The following STON2 variants were observed in gnomAD, a reference collection of about 807,000 sequenced individuals.
The protein encoded by STON2 is stonin-2.
In STON2, 29 loss-of-function variants were observed where a neutral mutation model predicts 65.7. The ratio of observed to expected loss-of-function variants is 0.44; its 90% CI spans 0.33 to 0.60. The LOEUF is 0.60. Ranked by LOEUF, STON2 falls within the 20% of genes least tolerant of loss-of-function variation. The probability of loss-of-function intolerance (pLI) is 0.03; values close to 1 mark genes in which losing one functional copy is unlikely to be tolerated. For synonymous variants in STON2, 404 were observed against 414.2 expected, an observed-to-expected ratio of 0.98 and a Z score of 0.30; for missense variants, 1,054 against 1,118.1, an observed-to-expected ratio of 0.94 and a Z score of 0.82.
At chr14:81,268,566 C>A (rs940415647) in intron 7 of STON2, 69 bp from the exon 8 acceptor site, 1 of 1,283,876 alleles carries the variant, frequency 7.8e-7, no homozygotes, top group Non-Finnish European at 1.0e-6. Context: ...AATAAGTAAA[C>A]CAAAACTCCA....
intron 5 of STON2, among the ~76,000 whole-genome samples, chr14:81,280,614 T>C (rs1203639657): frequency 1.3e-5 from 2 of 152,180 alleles, no homozygotes; most frequent in South Asian, 2.1e-4. Flanking sequence ...CCGCACATAA[T>C]TGCACATAAT....
At chr14:81,304,324 C>G (rs992155814) in intron 5 of STON2, among the ~76,000 whole-genome samples, 3 of 152,158 alleles carry the variant, frequency 2.0e-5, no homozygotes, top group African/African-American at 7.2e-5. Context: ...TCCTTTGATC[C>G]TTTCAACAAC....
At chr14:81,436,259 A>T (rs931166805) in intron 1 of STON2, 1 of 148,696 alleles carries the variant, frequency 6.7e-6, no homozygotes, top group Non-Finnish European at 1.5e-5. Context: ...CGCCCGCTCC[A>T]CCTGCGGGGC....
chr14:81,398,445 G>C lies in STON2; in HGVS notation c.-63C>G. On this transcript the variant is annotated 5_prime_UTR_variant, in exon 2 of 8. Transcript: ENST00000614646. ...CAGGTGAACCCCAGAATACTGTCTG[G>C]GGTGGGCTGGAGTAGGGGTATGGTA... 1 of 1,391,514 alleles carries C rather than the reference G, an allele frequency of 7.2e-7. No homozygotes were observed. Among genetic ancestry groups the C allele is most frequent in the Non-Finnish European group, 1.0e-6 (1 of 979,896 alleles). The allele number at this position is 1,391,514 out of a possible 1,614,324, so 86.2% of individuals were successfully genotyped here. A position where few individuals can be genotyped will look rare whatever the true frequency, so the allele number is the denominator to read the frequency against.
intron 6 of STON2, 27 bp from the exon 7 acceptor site, chr14:81,270,899 C>T (rs1566879733): frequency 7.5e-6 from 12 of 1,605,570 alleles, no homozygotes; most frequent in Non-Finnish European, 1.0e-5. Context: ...ATCGAGAGAT[C>T]AGATTATTTG....
intron 4 of STON2, among the ~76,000 whole-genome samples, chr14:81,364,633 T>C (rs1898639799): frequency 6.6e-6 from 1 of 152,172 alleles, no homozygotes; most frequent in African/African-American, 2.4e-5. Context: ...TATACATGTA[T>C]ACGAATATAA....
intron 5 of STON2, among the ~76,000 whole-genome samples, chr14:81,281,457 AG>A (rs1275551533): frequency 1.3e-5 from 2 of 152,180 alleles, no homozygotes; most frequent in African/African-American, 4.8e-5. Context: ...TTTGTGATGT[AG>A]TGTTTCCACC....
intron 4 of STON2, among the ~76,000 whole-genome samples, chr14:81,362,494 T>TG (rs1566927323): frequency 1.3e-5 from 2 of 152,082 alleles, no homozygotes; most frequent in African/African-American, 4.8e-5. Context: ...ATGCAGGGAA[T>TG]GGGTAGATGT....
At chr14:81,371,714 C>A (rs1410988242) in intron 3 of STON2, among the ~76,000 whole-genome samples, 2 of 138,018 alleles carry the variant, frequency 1.4e-5, no homozygotes, top group South Asian at 4.9e-4. Context: ...AAAGTAAGGT[C>A]CCAGGACTCT....
Position 81,264,430 on chromosome 14 carries a change from A to G in STON2, c.*3984T>C, listed in dbSNP as rs946295650. 3 of 985,454 alleles carry G rather than the reference A, an allele frequency of 3.0e-6. No homozygotes were observed. The highest frequency in any genetic ancestry group is 4.7e-5 in the South Asian group (1 of 21,292). The allele number at this position is 985,454 out of a possible 1,614,324, so 61.0% of individuals were successfully genotyped here. A position where few individuals can be genotyped will look rare whatever the true frequency, so the allele number is the denominator to read the frequency against. On this transcript the variant is annotated 3_prime_UTR_variant, in exon 8 of 8. Coordinates refer to ENST00000614646, the MANE Select transcript of STON2 (RefSeq NM_001394390.1). ...CTTTCAGCAAACATTTATTGAATAC[A>G]TACTCATTTTCCTTTATTTCATGAG...
intron 2 of STON2, among the ~76,000 whole-genome samples, chr14:81,417,558 C>A (rs1433567173): frequency 2.0e-5 from 3 of 152,068 alleles, no homozygotes; most frequent in Non-Finnish European, 4.4e-5. Flanking sequence ...TCAATACATA[C>A]CCTAAGGAAA....
rs1311654545 is a variant in STON2 at position 81,262,102 on chromosome 14, T to C, written c.*6312A>G. 1.3e-5 allele frequency: 13 copies of C among 985,316 alleles called. No homozygotes were observed. Among genetic ancestry groups the C allele is most frequent in the Non-Finnish European group, 1.6e-5 (13 of 829,918 alleles). 61.0% of individuals were successfully genotyped at this position (985,316 alleles called of 1,614,324 possible). ...TATTTTGTAAAATAACCCACAACTT[T>C]AGAGCTGGAAAGGACTTGAAGAAAC... On this transcript the variant is annotated 3_prime_UTR_variant, in exon 8 of 8. Transcript: ENST00000614646.
chr14:81,433,274 C>G (rs12590539), intron 1 of STON2, among the ~76,000 whole-genome samples: 12,880 of 152,214 alleles, frequency 0.085, 928 homozygotes, highest in African/African-American at 0.19. Context: ...AGAGAGACTG[C>G]AGGCCACCGT....
intron 3 of STON2, among the ~76,000 whole-genome samples, chr14:81,381,280 G>C (rs1899501711): frequency 4.0e-5 from 6 of 151,438 alleles, no homozygotes; most frequent in South Asian, 2.1e-4. Flanking sequence ...CTTTGGAGTA[G>C]AGAAATATTT....
At chr14:81,396,727 A>G (rs569567777) in intron 2 of STON2, among the ~76,000 whole-genome samples, 1 of 148,494 alleles carries the variant, frequency 6.7e-6, no homozygotes, top group East Asian at 2.0e-4. Context: ...GATTGGCCCC[A>G]GAAAATTAAA....
intron 2 of STON2, among the ~76,000 whole-genome samples, chr14:81,414,524 T>C (rs1182679952): frequency 1.3e-5 from 2 of 151,938 alleles, no homozygotes; most frequent in Non-Finnish European, 2.9e-5. Context: ...AGGGCATGCA[T>C]GAGTTAGAGG....
chr14:81,335,123 C>T (rs1595365534), intron 4 of STON2, among the ~76,000 whole-genome samples: 2 of 151,956 alleles, frequency 1.3e-5, no homozygotes, highest in South Asian at 4.2e-4. Flanking sequence ...GCTTCGGCCT[C>T]CCAAACTGCT....
At chr14:81,270,296 G>C (rs1000727756) in intron 7 of STON2, 11 of 891,738 alleles carry the variant, frequency 1.2e-5, no homozygotes, top group Non-Finnish European at 1.6e-5. Context: ...TGTTGGCCAG[G>C]CTGGTCTTGA....
At chr14:81,382,903 C>G (rs1899598039) in intron 3 of STON2, among the ~76,000 whole-genome samples, 1 of 152,194 alleles carries the variant, frequency 6.6e-6, no homozygotes, top group African/African-American at 2.4e-5. Context: ...AAACTGTTCT[C>G]ATTCGCTCTA....
Sources: allele counts gnomAD v4.1 joint callset (sites outside exome capture counted in the v4.1 genomes callset), GRCh38; gene constraint gnomAD v4.1.1; transcripts MANE v1.5; gene names NCBI Gene and HGNC (gene_info 2026-07-23, HGNC 2026-07-21).